RAD17: variants seen among roughly 807,000 people sequenced by gnomAD.
The protein encoded by RAD17 is RAD17 checkpoint clamp loader component.
Under a neutral mutation model 81.5 loss-of-function variants are expected in RAD17, and 31 were observed. That is an observed-to-expected ratio of 0.38 (90% CI 0.29 to 0.51). The LOEUF (loss-of-function observed/expected upper bound fraction) is 0.51. Among genes scored for constraint, RAD17 ranks in the 20% least tolerant of loss-of-function variants. The pLI is 0.88. For missense variants in RAD17, 681 were observed against 781.2 expected, an observed-to-expected ratio of 0.87 and a Z score of 1.53; for synonymous variants, 261 against 266.2, an observed-to-expected ratio of 0.98 and a Z score of 0.19.
intron 12 of RAD17, among the ~76,000 whole-genome samples, chr5:69,390,793 TA>T: frequency 7.8e-6 from 1 of 128,032 alleles, no homozygotes; most frequent in East Asian, 2.5e-4. Flanking sequence ...CGTCTCTAAT[TA>T]AAAATATATA....
At chr5:69,390,952 C>CA (rs66906488) in intron 12 of RAD17, among the ~76,000 whole-genome samples, 68,367 of 142,636 alleles carry the variant, frequency 0.48, 16,097 homozygotes, top group South Asian at 0.53. Context: ...GACCCTGTGT[C>CA]AAAAAAAAAA....
intron 8 of RAD17, among the ~76,000 whole-genome samples, 176 bp downstream of exon 8, chr5:69,385,109 G>T (rs191479610): frequency 1.8e-4 from 27 of 151,388 alleles, no homozygotes; most frequent in Admixed American, 4.6e-4. Context: ...ACAGGCGCCC[G>T]CCACCACGCC....
Position 69,372,086 on chromosome 5 carries a change from A to G in RAD17, c.-123A>G. The G allele has an allele frequency of 3.5e-6, 5 of 1,416,512 alleles. No individual in the cohort carries two copies. Among genetic ancestry groups the G allele is most frequent in the Non-Finnish European group, 4.7e-6 (5 of 1,053,536 alleles). 87.7% of individuals were successfully genotyped at this position (1,416,512 alleles called of 1,614,324 possible). Reference sequence around the variant, plus strand: ...AATGAAACTATAAAATGTATAAATAATTTGCAAATCAGAATTGCTGTCGAA... The same window carrying G: ...AATGAAACTATAAAATGTATAAATAGTTTGCAAATCAGAATTGCTGTCGAA... On this transcript the variant is annotated 5_prime_UTR_variant, in exon 4 of 19. The change abolishes the stop of an existing upstream ORF in the 5' untranslated region. Coordinates refer to ENST00000354868, the MANE Select transcript of RAD17 (RefSeq NM_133338.3).
intron 4 of RAD17, 134 bp from the exon 5 acceptor site, chr5:69,373,686 ATTTTTTTTTT>A (rs56385833): frequency 1.5e-4 from 39 of 251,922 alleles, no homozygotes; most frequent in South Asian, 9.9e-4. Context: ...TCTCAAAAAA[ATTTTTTTTTT>A]TTTTTTTTTT....
At chr5:69,369,604 C>T, upstream of RAD17, 1 of 1,584,636 alleles carries the variant, frequency 6.3e-7, no homozygotes, top group South Asian at 1.1e-5. Flanking sequence ...CCCCGAAGCC[C>T]ACCGCGGCGC....
chr5:69,378,998 T>C (rs1317466026), intron 6 of RAD17, among the ~76,000 whole-genome samples: 1 of 152,032 alleles, frequency 6.6e-6, no homozygotes, highest in Non-Finnish European at 1.5e-5. Flanking sequence ...TCCCAGCACT[T>C]TGGGAGGTCG....
chr5:69,410,560 T>C lies in RAD17; in HGVS notation c.1751+10T>C. 6.2e-7 allele frequency: 1 copy of C among 1,611,458 alleles called. No individual in the cohort carries two copies. On this transcript the variant is annotated intron_variant, in intron 18 of 18. Transcript: ENST00000354868. Reference sequence around the variant, plus strand: ...AGCGACACTTTGGAAGGTAAGCTGATCATCTCAATTTCCAAAAAGCTGATA... The same window carrying C: ...AGCGACACTTTGGAAGGTAAGCTGACCATCTCAATTTCCAAAAAGCTGATA...
intron 6 of RAD17, among the ~76,000 whole-genome samples, chr5:69,377,435 G>GTGTATATATATATATATATATA (rs1763410865): frequency 8.7e-5 from 2 of 23,058 alleles, no homozygotes; most frequent in South Asian, 3.9e-3. Flanking sequence ...GTGTGTGTGT[G>GTGTATATATATATATATATATA]TGTGTATATA....
At chr5:69,377,158 A>T (rs1459938104) in intron 6 of RAD17, among the ~76,000 whole-genome samples, 2 of 152,020 alleles carry the variant, frequency 1.3e-5, no homozygotes, top group African/African-American at 4.8e-5. Flanking sequence ...CAGTGTCAGC[A>T]TTGGTATTCC....
Position 69,393,486 on chromosome 5 carries a change from A to G in RAD17, c.1408A>G (p.Ser470Gly). ...ATTTCTGAGTTTTGCAGATATCCTC[A>G]GTGGTGACTGGAATGTAAGACCATT... is the stretch of plus-strand genomic sequence containing the variant. The part of the protein sequence containing the change: ...SEFLSFADIL[S>G]GDWNTRSLLR... The change falls in exon 15 of 19, where the codon AGT (serine) becomes GGT (glycine). Residue 470 changes from serine to glycine, a missense_variant. Transcript: ENST00000354868. 1 of 1,604,450 alleles carries G rather than the reference A, an allele frequency of 6.2e-7. No homozygotes were observed. Among genetic ancestry groups the G allele is most frequent in the South Asian group, 1.1e-5 (1 of 89,090 alleles).
intron 12 of RAD17, among the ~76,000 whole-genome samples, chr5:69,389,949 A>G (rs1764445611): frequency 6.6e-6 from 1 of 152,202 alleles, no homozygotes; most frequent in Admixed American, 6.5e-5. Flanking sequence ...AATTATTTTT[A>G]TAATAATTTA....
chr5:69,371,267 G>A, intron 2 of RAD17, 96 bp downstream of exon 2: 1 of 516,966 alleles, frequency 1.9e-6, no homozygotes, highest in Non-Finnish European at 3.6e-6. Context: ...TAGATTATTT[G>A]ATACAGTTAT....
rs1452950959 is a variant in RAD17, at chr5:69,373,838, C to T, written c.18C>T (p.Asp6=). The T allele has an allele frequency of 1.3e-6, 2 of 1,599,420 alleles. No individual in the cohort carries two copies. The highest frequency in any genetic ancestry group is 4.5e-5 in the East Asian group (2 of 44,664). MNQVT[D]WVDPSFDDFL... ...ATTTCTTTTTTTTTCAGGTAACAGA[C>T]TGGGTTGACCCATCATTTGATGATT... Residue 6 remains aspartate, a synonymous_variant, in exon 5 of 19, where the codon GAC becomes GAT. Transcript: ENST00000354868.
At position 69,381,887 on chromosome 5, in the gene RAD17, G is replaced by A. The variant is rs1279553990; in HGVS notation, c.352-14G>A. Reference sequence around the variant, plus strand: ...TGATTTTGGTTTTTAATTCATATTTGTATTTGATTTTAGGGTGGATCTATT... The same window carrying A: ...TGATTTTGGTTTTTAATTCATATTTATATTTGATTTTAGGGTGGATCTATT... On this transcript the variant is annotated splice_polypyrimidine_tract_variant and intron_variant, in intron 6 of 18. Transcript: ENST00000354868. 6.4e-7 allele frequency: 1 copy of A among 1,553,362 alleles called. No homozygotes were observed. The highest frequency in any genetic ancestry group is 8.7e-7 in the Non-Finnish European group (1 of 1,148,824).
intron 17 of RAD17, among the ~76,000 whole-genome samples, chr5:69,404,088 CAA>C (rs1223027317): frequency 6.6e-6 from 1 of 152,062 alleles, no homozygotes; most frequent in Non-Finnish European, 1.5e-5. Flanking sequence ...ATACACATTA[CAA>C]AAGAGAAACT....
At chr5:69,381,233 C>A (rs1304944733) in intron 6 of RAD17, among the ~76,000 whole-genome samples, 1 of 152,052 alleles carries the variant, frequency 6.6e-6, no homozygotes, top group African/African-American at 2.4e-5. Flanking sequence ...GTAATCCCAG[C>A]ACTTTGGGAG....
chr5:69,399,737 T>C (rs1765137141), intron 16 of RAD17, among the ~76,000 whole-genome samples: 1 of 152,194 alleles, frequency 6.6e-6, no homozygotes, highest in African/African-American at 2.4e-5. Context: ...TTCGTGTAAT[T>C]TATGATGTGT....
At chr5:69,403,367 A>G (rs1296033849) in intron 17 of RAD17, among the ~76,000 whole-genome samples, 1 of 152,260 alleles carries the variant, frequency 6.6e-6, no homozygotes, top group South Asian at 2.1e-4. Context: ...TGGATTCAGG[A>G]TATGTATTTT....
chr5:69,409,194 T>C (rs1765817106), intron 17 of RAD17, among the ~76,000 whole-genome samples: 1 of 152,156 alleles, frequency 6.6e-6, no homozygotes, highest in Non-Finnish European at 1.5e-5. Context: ...AGGTAGCCTC[T>C]GATTATTTTG....
Sources: gnomAD v4.1 joint callset for allele counts (sites outside exome capture counted in the v4.1 genomes callset) on GRCh38, gnomAD v4.1.1 for gene constraint, MANE v1.5 for transcripts, NCBI Gene and HGNC (gene_info 2026-07-23, HGNC 2026-07-21) for gene names.